Variants in EEIG1 observed in about 807,000 individuals in gnomAD.
EEIG1 encodes the protein early estrogen-induced gene 1 protein.
At chr9:127,951,568 C>T in the EEIG1 span, among the ~76,000 whole-genome samples, 2 of 151,892 alleles carry the variant, frequency 1.3e-5, no homozygotes, top group Non-Finnish European at 2.9e-5. Flanking sequence ...GTAATCCCAG[C>T]ACTTTGGGAG....
At chr9:127,962,438 A>G in the EEIG1 span, among the ~76,000 whole-genome samples, 1 of 152,122 alleles carries the variant, frequency 6.6e-6, no homozygotes, top group South Asian at 2.1e-4. Flanking sequence ...AGTCCTGGGG[A>G]CTGCATTGTG....
chr9:127,961,143 G>C, the EEIG1 span, among the ~76,000 whole-genome samples: 1 of 152,236 alleles, frequency 6.6e-6, no homozygotes, highest in Non-Finnish European at 1.5e-5. Flanking sequence ...AGCAGAGCTA[G>C]TCTCGACCCC....
the EEIG1 span, among the ~76,000 whole-genome samples, chr9:127,979,167 T>C: frequency 6.6e-6 from 1 of 152,234 alleles, no homozygotes; most frequent in Non-Finnish European, 1.5e-5. Flanking sequence ...AAGTTCTCGC[T>C]GCTGCAGCTT....
the EEIG1 span, among the ~76,000 whole-genome samples, chr9:127,956,316 A>G: frequency 1.3e-5 from 2 of 152,350 alleles, no homozygotes; most frequent in South Asian, 4.1e-4. Flanking sequence ...AAAAATACCT[A>G]GTAGTGGAAA....
At chr9:127,941,006 T>C in the EEIG1 span, 1 of 152,138 alleles carries the variant, frequency 6.6e-6, no homozygotes, top group East Asian at 1.9e-4. Flanking sequence ...TCTCCAACTC[T>C]CTCAATATAT....
the EEIG1 span, among the ~76,000 whole-genome samples, chr9:127,950,090 A>G: frequency 1.3e-5 from 2 of 152,318 alleles, no homozygotes; most frequent in East Asian, 3.9e-4. Context: ...GGACTAATCA[A>G]AGATACCACA....
At chr9:127,974,866 T>C in the EEIG1 span, among the ~76,000 whole-genome samples, 5 of 151,994 alleles carry the variant, frequency 3.3e-5, no homozygotes, top group Non-Finnish European at 7.4e-5. Context: ...CTCCTCTCCC[T>C]CTCCAGTGTG....
chr9:127,969,432 G>T, the EEIG1 span, among the ~76,000 whole-genome samples: 2 of 152,142 alleles, frequency 1.3e-5, no homozygotes, highest in Non-Finnish European at 2.9e-5. Context: ...TACAATAACT[G>T]CCCTGGATGA....
the EEIG1 span, among the ~76,000 whole-genome samples, chr9:127,954,668 TG>T: frequency 1.3e-5 from 2 of 152,170 alleles, no homozygotes; most frequent in Admixed American, 1.3e-4. Flanking sequence ...TCAAAGAAAC[TG>T]GGGGCCCGGA....
At chr9:127,954,404 G>C in the EEIG1 span, among the ~76,000 whole-genome samples, 1 of 152,236 alleles carries the variant, frequency 6.6e-6, no homozygotes, top group African/African-American at 2.4e-5. Flanking sequence ...CTCCCAGCCA[G>C]TAGATAGCTG....
At chr9:127,969,571 A>C in the EEIG1 span, among the ~76,000 whole-genome samples, 5 of 152,296 alleles carry the variant, frequency 3.3e-5, no homozygotes, top group East Asian at 9.6e-4. Flanking sequence ...ACAGATGAGG[A>C]AAGCAAAGCT....
the EEIG1 span, chr9:127,941,959 T>A: frequency 2.0e-5 from 3 of 152,558 alleles, no homozygotes. Context: ...GTCCAGGGAC[T>A]GGCTGGCAGC....
chr9:127,944,896 C>T, the EEIG1 span: 20 of 1,611,226 alleles, frequency 1.2e-5, no homozygotes, highest in South Asian at 2.2e-5. Flanking sequence ...GTCCTTCTTC[C>T]GCCTGGGTCA....
At chr9:127,979,292 G>A in the EEIG1 span, among the ~76,000 whole-genome samples, 2 of 152,248 alleles carry the variant, frequency 1.3e-5, no homozygotes, top group Non-Finnish European at 2.9e-5. Context: ...CCAGGATGAT[G>A]TGACCCCAGC....
chr9:127,945,313 A>G, the EEIG1 span: 1 of 1,370,798 alleles, frequency 7.3e-7, no homozygotes, highest in Non-Finnish European at 9.9e-7. This position sits in a 1 kb window ranked among gnomAD's most constrained non-coding sequence, Gnocchi z 6.5. Flanking sequence ...CGGAGGTTCA[A>G]GGCACCACCG....
At chr9:127,963,976 G>A in the EEIG1 span, among the ~76,000 whole-genome samples, 1 of 152,030 alleles carries the variant, frequency 6.6e-6, no homozygotes, top group South Asian at 2.1e-4. Context: ...CATCAGAGCC[G>A]GGACCTCAGG....
At chr9:127,964,262 G>A in the EEIG1 span, among the ~76,000 whole-genome samples, 1 of 152,240 alleles carries the variant, frequency 6.6e-6, no homozygotes, top group Admixed American at 6.5e-5. Flanking sequence ...CTGCTCAACA[G>A]AGGGAGGATG....
the EEIG1 span, among the ~76,000 whole-genome samples, chr9:127,965,154 C>CA: frequency 7.3e-6 from 1 of 137,766 alleles, no homozygotes; most frequent in African/African-American, 2.8e-5. Context: ...AACCAAAAAC[C>CA]AAAAAACATT....
At chr9:127,979,882 T>C in the EEIG1 span, 1 of 1,320,910 alleles carries the variant, frequency 7.6e-7, no homozygotes, top group Non-Finnish European at 1.0e-6. Context: ...GCACACAGAA[T>C]CCCCCGGATC....
Sources: gnomAD v4.1 joint callset for allele counts (sites outside exome capture counted in the v4.1 genomes callset) on GRCh38, gnomAD v4.1.1 for gene constraint, Gnocchi (gnomAD v3.1) non-coding constraint, MANE v1.5 for transcripts, NCBI Gene and HGNC (gene_info 2026-07-23, HGNC 2026-07-21) for gene names.